UBR4: variants seen among roughly 807,000 people sequenced by gnomAD.
The protein encoded by UBR4 is E3 ubiquitin-protein ligase UBR4.
Under a neutral mutation model 575.6 loss-of-function variants are expected in UBR4, and 124 were observed. The ratio of observed to expected loss-of-function variants is 0.22; its 90% CI spans 0.19 to 0.25. The LOEUF is 0.25. Among genes scored for constraint, UBR4 ranks in the 10% least tolerant of loss-of-function variants. The pLI, the probability that UBR4 is intolerant of heterozygous loss-of-function variation, is 1.00. For missense variants in UBR4, 4,818 were observed against 6,478.8 expected (o/e 0.74, Z 8.80); for synonymous variants, 2,455 against 2,473.7 (o/e 0.99, Z 0.22).
rs1367098483 is a variant in UBR4, at chr1:19,174,950, G to C, written c.2853+4C>G. On this transcript the variant is annotated splice_donor_region_variant and intron_variant, in intron 21 of 105. Transcript: ENST00000375254. ...ATAAAATGCAGTTTTAAAATTCCTA[G>C]TACCACAGAATCAAGTCGGTTCAAA... The C allele has an allele frequency of 6.2e-7, 1 of 1,612,978 alleles. No homozygotes were observed.
chr1:19,178,081 T>C (rs776518638), intron 18 of UBR4, among the ~76,000 whole-genome samples: 1 of 152,174 alleles, frequency 6.6e-6, no homozygotes, highest in Non-Finnish European at 1.5e-5. Flanking sequence ...CACAAAAATG[T>C]TGCTATTGTT....
intron 11 of UBR4, among the ~76,000 whole-genome samples, chr1:19,188,836 G>T (rs909881719): frequency 1.3e-5 from 2 of 151,922 alleles, no homozygotes; most frequent in South Asian, 4.1e-4. Context: ...GGGCATGGTG[G>T]TGCACACCTG....
intron 38 of UBR4, 139 bp downstream of exon 38, chr1:19,160,778 T>C (rs537934663): frequency 7.5e-6 from 6 of 800,940 alleles, no homozygotes; most frequent in African/African-American, 5.1e-5. Flanking sequence ...CGACAATACA[T>C]AGTATTTGCA....
In UBR4 at chr1:19,169,528, C is replaced by A; in HGVS notation, c.3648G>T (p.Pro1216=). 1 of 1,613,112 alleles carries A rather than the reference C, an allele frequency of 6.2e-7. No individual in the cohort carries two copies. The highest frequency in any genetic ancestry group is 2.2e-5 in the East Asian group (1 of 44,842). Residue 1216 remains proline (P), a synonymous_variant, in exon 27 of 106, where the codon CCG becomes CCT. Coordinates refer to ENST00000375254, the MANE Select transcript of UBR4 (RefSeq NM_020765.3). ...SSRCKANTLG[P]TLVQNLPSSV... is the part of the protein sequence containing the mutation. ...ACGATGGCAAATTCTGAACCAGTGT[C>A]GGACCTGGAGGCGACAGAAAGGACA...
At chr1:19,185,055 C>T in intron 15 of UBR4, 44 bp downstream of exon 15, 2 of 1,610,066 alleles carry the variant, frequency 1.2e-6, no homozygotes, top group Non-Finnish European at 1.7e-6. Flanking sequence ...ATACCCCTAG[C>T]TCCCCATGTC....
chr1:19,126,294 T>C, intron 64 of UBR4, 152 bp downstream of exon 64: 2 of 853,898 alleles, frequency 2.3e-6, no homozygotes, highest in Non-Finnish European at 3.7e-6. Flanking sequence ...TGGTCATTTA[T>C]TCAATCACGC....
At chr1:19,102,213 A>T (rs1138838) in intron 87 of UBR4, among the ~76,000 whole-genome samples, 1 of 152,164 alleles carries the variant, frequency 6.6e-6, no homozygotes, top group Non-Finnish European at 1.5e-5. Flanking sequence ...AAAAAATACA[A>T]AATTAGCTGG....
chr1:19,101,128 G>A lies in UBR4; in HGVS notation c.13023+392C>T, dbSNP rs148925222. On this transcript the variant is annotated intron_variant, in intron 88 of 105. Transcript: ENST00000375254. The stretch of plus-strand genomic sequence containing the variant: ...GTTCAGGCTAGGGAAAAAAACACAC[G>A]CTGCATGTGTGCACAAAATACAGGG... Among the ~76,000 whole-genome samples the A allele has an allele frequency of 1.2e-3, 189 of 152,242 alleles. 1 individual carries two copies. The Middle Eastern group carries it at 0.014, about 11-fold the overall frequency.
At chr1:19,155,321 A>C (rs995980744) in intron 43 of UBR4, 120 bp downstream of exon 43, 1 of 1,162,860 alleles carries the variant, frequency 8.6e-7, no homozygotes, top group African/African-American at 1.6e-5. Context: ...GAAAAAGAAA[A>C]AAAGATCCAG....
chr1:19,155,145 G>A (rs2086271553), intron 43 of UBR4, 70 bp from the exon 44 acceptor site: 4 of 1,587,080 alleles, frequency 2.5e-6, no homozygotes, highest in Non-Finnish European at 3.4e-6. Context: ...GTTTATACTG[G>A]TTATTATTTT....
At chr1:19,192,653 G>T in intron 9 of UBR4, 113 bp from the exon 10 acceptor site, 1 of 1,097,186 alleles carries the variant, frequency 9.1e-7, no homozygotes, top group Non-Finnish European at 1.4e-6. Context: ...TCTTTTCAAT[G>T]ATACATTCCA....
At chr1:19,141,897 A>T (rs906875511) in intron 55 of UBR4, 120 bp from the exon 56 acceptor site, 37 of 1,425,900 alleles carry the variant, frequency 2.6e-5, no homozygotes, top group Non-Finnish European at 3.5e-5. Context: ...CCTGGGCTTT[A>T]GCGGGAGAAC....
At chr1:19,133,974 T>C (rs2082865165) in intron 60 of UBR4, among the ~76,000 whole-genome samples, 1 of 149,614 alleles carries the variant, frequency 6.7e-6, no homozygotes, top group South Asian at 2.1e-4. Flanking sequence ...TAATCCCAGC[T>C]ACTCAGGAGG....
Position 19,081,670 on chromosome 1 carries a change from A to G in UBR4, c.15009-97T>C, listed in dbSNP as rs768212130. On this transcript the variant is annotated intron_variant, in intron 102 of 105. Coordinates refer to ENST00000375254, the MANE Select transcript of UBR4 (RefSeq NM_020765.3). ...TTGCTCAATTTGTCGTTGTCTTGTGACATTTGCTGAACGCTTGGATGACTC... is the reference window on the plus strand; with the variant it reads ...TTGCTCAATTTGTCGTTGTCTTGTGGCATTTGCTGAACGCTTGGATGACTC... 16 of 1,353,010 alleles carry G rather than the reference A, an allele frequency of 1.2e-5. No individual in the cohort carries two copies. In the African/African-American group the frequency reaches 2.3e-4, roughly 19 times the overall value. 83.8% of individuals were successfully genotyped at this position (1,353,010 alleles called of 1,614,324 possible).
At chr1:19,163,999 C>T (rs2087851066) in intron 33 of UBR4, among the ~76,000 whole-genome samples, 172 bp from the exon 34 acceptor site, 1 of 152,110 alleles carries the variant, frequency 6.6e-6, no homozygotes, top group Admixed American at 6.5e-5. Flanking sequence ...GTGCTCTGGC[C>T]TTAGAATTAT....
rs753795315 is a variant in UBR4, at chr1:19,165,763, G to T, written c.4110-6C>A. On this transcript the variant is annotated splice_region_variant and splice_polypyrimidine_tract_variant and intron_variant, in intron 29 of 105. Transcript: ENST00000375254. ...GGATGGATTCATCCAGTCCACTGAG[G>T]ATCAAACGGAAAACTTAACCACCAG... 6.2e-7 allele frequency: 1 copy of T among 1,608,284 alleles called. No individual in the cohort carries two copies. The highest frequency in any genetic ancestry group is 8.5e-7 in the Non-Finnish European group (1 of 1,177,790).
chr1:19,133,938 G>A (rs1291534896), intron 60 of UBR4, among the ~76,000 whole-genome samples: 1 of 151,848 alleles, frequency 6.6e-6, no homozygotes, highest in Non-Finnish European at 1.5e-5. Context: ...AATTAGCTGG[G>A]TGCCAGGTGT....
chr1:19,117,701 T>C lies in UBR4; in HGVS notation c.10629+122A>G. 3 of 1,031,804 alleles carry C rather than the reference T, an allele frequency of 2.9e-6. No individual in the cohort carries two copies. The highest frequency in any genetic ancestry group is 4.4e-6 in the Non-Finnish European group (3 of 684,978). The allele number at this position is 1,031,804 out of a possible 1,614,324, so 63.9% of individuals were successfully genotyped here. On this transcript the variant is annotated intron_variant, in intron 72 of 105. Transcript: ENST00000375254. This position sits in a 1 kb window ranked among gnomAD's most constrained non-coding sequence, Gnocchi z 4.0. ...GGTAATAAATGTGGCAGATAAAAATTCCTACTATCGGTGACCAACCATTAG... is the reference window on the plus strand; with the variant it reads ...GGTAATAAATGTGGCAGATAAAAATCCCTACTATCGGTGACCAACCATTAG...
intron 28 of UBR4, among the ~76,000 whole-genome samples, chr1:19,167,480 C>A (rs534030418): frequency 6.6e-6 from 1 of 152,062 alleles, no homozygotes; most frequent in African/African-American, 2.4e-5. Flanking sequence ...TTTATTAAAA[C>A]GTCAAATTAA....
Sources: gnomAD v4.1 joint callset for allele counts (sites outside exome capture counted in the v4.1 genomes callset) on GRCh38, gnomAD v4.1.1 for gene constraint, Gnocchi (gnomAD v3.1) non-coding constraint, MANE v1.5 for transcripts, NCBI Gene and HGNC (gene_info 2026-07-23, HGNC 2026-07-21) for gene names.